The following PIP5K1B variants were observed in gnomAD, a reference collection of about 807,000 sequenced individuals.
PIP5K1B encodes phosphatidylinositol 4-phosphate 5-kinase type-1 beta.
Under a neutral mutation model 67.0 loss-of-function variants are expected in PIP5K1B, and 42 were observed. The observed-to-expected ratio is 0.63, with a 90% CI of 0.49 to 0.81. The LOEUF is 0.81. Among genes scored for constraint, PIP5K1B ranks in the 30% least tolerant of loss-of-function variants. The pLI is 0.00. For missense variants in PIP5K1B, 459 were observed against 646.3 expected (o/e 0.71, Z 3.14); for synonymous variants, 214 against 231.4 (o/e 0.92, Z 0.68).
At chr9:68,780,148 G>A (rs1364834193) in intron 2 of PIP5K1B, 6 of 1,507,080 alleles carry the variant, frequency 4.0e-6, no homozygotes, top group South Asian at 2.7e-5. Context: ...CACCTCCCCC[G>A]CCTCCCTGCC....
chr9:68,712,305 C>T (rs1228463799), intron 1 of PIP5K1B, among the ~76,000 whole-genome samples: 1 of 152,226 alleles, frequency 6.6e-6, no homozygotes, highest in Non-Finnish European at 1.5e-5. Context: ...GATGCTGGCA[C>T]TGTGCCTTAT....
rs1321226453 is a variant in PIP5K1B at position 68,981,405 on chromosome 9, G to A, written c.1503-9735G>A. Reference sequence around the variant, plus strand: ...TAACCCCTGATTCATCAAAAGACATGAAGGGAATCGCCAGAAAATATTAAA... The same window carrying A: ...TAACCCCTGATTCATCAAAAGACATAAAGGGAATCGCCAGAAAATATTAAA... On this transcript the variant is annotated intron_variant, in intron 14 of 15. Coordinates refer to ENST00000265382, the MANE Select transcript of PIP5K1B (RefSeq NM_003558.4). Among the ~76,000 whole-genome samples, 61 of 141,526 alleles carry A rather than the reference G, an allele frequency of 4.3e-4. No individual in the cohort carries two copies. In the Admixed American group the frequency reaches 4.6e-3, roughly 11 times the overall value. The allele number at this position is 141,526 out of a possible 152,430, so 92.8% of individuals were successfully genotyped here. A position where few individuals can be genotyped will look rare whatever the true frequency, so the allele number is the denominator to read the frequency against.
intron 2 of PIP5K1B, among the ~76,000 whole-genome samples, chr9:68,802,907 G>T (rs1387106455): frequency 2.0e-5 from 3 of 152,116 alleles, no homozygotes; most frequent in Non-Finnish European, 4.4e-5. Flanking sequence ...AAGGAGAGTG[G>T]TTAGACAGAT....
intron 2 of PIP5K1B, among the ~76,000 whole-genome samples, chr9:68,779,635 C>A (rs1831111350): frequency 6.6e-6 from 1 of 152,216 alleles, no homozygotes; most frequent in Admixed American, 6.5e-5. Context: ...TTCTCCTCCC[C>A]TCCTGGTTCC....
chr9:68,777,808 C>A (rs1032140956), intron 2 of PIP5K1B, among the ~76,000 whole-genome samples: 1 of 152,140 alleles, frequency 6.6e-6, no homozygotes, highest in South Asian at 2.1e-4. Flanking sequence ...CAGTAATATG[C>A]TGTGGGTATT....
chr9:68,968,784 G>T (rs2132809308), intron 14 of PIP5K1B, among the ~76,000 whole-genome samples: 1 of 151,496 alleles, frequency 6.6e-6, no homozygotes, highest in East Asian at 1.9e-4. Flanking sequence ...TTCAAAAGAG[G>T]CATCCTATCT....
chr9:68,780,414 C>T, intron 2 of PIP5K1B: 1 of 1,614,020 alleles, frequency 6.2e-7, no homozygotes, highest in Non-Finnish European at 8.5e-7. Flanking sequence ...GCACAGCAGC[C>T]GCTTGCACCA....
At chr9:68,971,912 A>G (rs1272409580) in intron 14 of PIP5K1B, among the ~76,000 whole-genome samples, 1 of 152,182 alleles carries the variant, frequency 6.6e-6, no homozygotes, top group East Asian at 1.9e-4. Flanking sequence ...ATAGATTGCA[A>G]AAATTTTCTT....
chr9:68,984,533 T>A (rs1830019925), intron 14 of PIP5K1B, among the ~76,000 whole-genome samples: 1 of 152,248 alleles, frequency 6.6e-6, no homozygotes, highest in African/African-American at 2.4e-5. Context: ...CTTTACTGTA[T>A]AAATGCCTGA....
intron 2 of PIP5K1B, among the ~76,000 whole-genome samples, chr9:68,751,175 G>C (rs185118708): frequency 6.6e-6 from 1 of 152,168 alleles, no homozygotes; most frequent in Non-Finnish European, 1.5e-5. Flanking sequence ...TTGTTATAAC[G>C]GTTGTAAGGT....
Position 69,001,741 on chromosome 9 carries a change from G to A in PIP5K1B, c.1621-6706G>A, listed in dbSNP as rs114777615. 8.3e-3 allele frequency among the ~76,000 whole-genome samples: 1,265 copies of A among 152,080 alleles called. 16 individuals carry two copies. The highest frequency in any genetic ancestry group is 0.029 in the African/African-American group (1,209 of 41,480). On this transcript the variant is annotated intron_variant, in intron 15 of 15. Transcript: ENST00000265382. ...CACCAGACCACTCCCCCAACACATG[G>A]GGATTACAATTTGACATGAGATTTG...
At chr9:68,911,207 C>T (rs955398701) in intron 8 of PIP5K1B, among the ~76,000 whole-genome samples, 1 of 152,004 alleles carries the variant, frequency 6.6e-6, no homozygotes, top group South Asian at 2.1e-4. Context: ...AACCTTGTCT[C>T]TATTAAAAAT....
intron 1 of PIP5K1B, among the ~76,000 whole-genome samples, chr9:68,712,449 C>G (rs1178985444): frequency 1.3e-5 from 2 of 152,230 alleles, no homozygotes; most frequent in African/African-American, 2.4e-5. Flanking sequence ...TCACTTGTTT[C>G]CCTGTGTCCA....
intron 6 of PIP5K1B, among the ~76,000 whole-genome samples, chr9:68,881,900 C>G (rs1311697154): frequency 6.6e-6 from 1 of 152,194 alleles, no homozygotes; most frequent in African/African-American, 2.4e-5. Context: ...TGAGTCTTTT[C>G]AGGCTCACCT....
intron 2 of PIP5K1B, among the ~76,000 whole-genome samples, chr9:68,770,693 G>A (rs1830634220): frequency 6.6e-6 from 1 of 152,164 alleles, no homozygotes; most frequent in Non-Finnish European, 1.5e-5. Context: ...AGGGATCTAG[G>A]TTGCTCACTC....
intron 4 of PIP5K1B, among the ~76,000 whole-genome samples, chr9:68,836,009 A>G (rs1024412085): frequency 2.0e-5 from 3 of 152,106 alleles, no homozygotes; most frequent in East Asian, 3.8e-4. Context: ...TCCTGGGACA[A>G]TAGAGTTTTT....
intron 2 of PIP5K1B, among the ~76,000 whole-genome samples, chr9:68,763,174 A>G (rs1348589932): frequency 1.3e-5 from 2 of 152,150 alleles, no homozygotes; most frequent in Non-Finnish European, 2.9e-5. Context: ...ATGGTGAGAC[A>G]AGAAAAAGTT....
At chr9:68,956,414 A>C (rs921757381) in intron 14 of PIP5K1B, among the ~76,000 whole-genome samples, 2 of 152,246 alleles carry the variant, frequency 1.3e-5, no homozygotes, top group African/African-American at 2.4e-5. Context: ...AGGTTGCATC[A>C]GCCAAAATCG....
At chr9:68,743,841 T>C (rs538778598) in intron 2 of PIP5K1B, among the ~76,000 whole-genome samples, 1 of 152,326 alleles carries the variant, frequency 6.6e-6, no homozygotes, top group South Asian at 2.1e-4. Flanking sequence ...TGATTCTCCT[T>C]GGGTTTCCTG....
Sources: allele counts gnomAD v4.1 joint callset (sites outside exome capture counted in the v4.1 genomes callset), GRCh38; gene constraint gnomAD v4.1.1; transcripts MANE v1.5; gene names NCBI Gene and HGNC (gene_info 2026-07-23, HGNC 2026-07-21).